The following OSBP2 variants were observed in gnomAD, a reference collection of about 807,000 sequenced individuals.
OSBP2 encodes oxysterol binding protein 2, also known as oxysterol-binding protein 2.
In OSBP2, 66 loss-of-function variants were observed where a neutral mutation model predicts 96.0. The ratio of observed to expected loss-of-function variants is 0.69; its 90% CI spans 0.56 to 0.84. The LOEUF is 0.84. Among genes scored for constraint, OSBP2 ranks in the 40% least tolerant of loss-of-function variants. OSBP2 has a pLI of 0.00. For synonymous variants in OSBP2, 525 were observed against 520.9 expected, an observed-to-expected ratio of 1.01 and a Z score of -0.11; for missense variants, 1,038 against 1,222.7, an observed-to-expected ratio of 0.85 and a Z score of 2.25.
At chr22:30,804,908 C>T (rs989832779) in intron 2 of OSBP2, among the ~76,000 whole-genome samples, 2 of 152,082 alleles carry the variant, frequency 1.3e-5, no homozygotes, top group Non-Finnish European at 2.9e-5. Context: ...AGTAGGACAT[C>T]GTTTTTGTTT....
intron 1 of OSBP2, among the ~76,000 whole-genome samples, chr22:30,739,328 T>C (rs1306544461): frequency 6.6e-6 from 1 of 152,210 alleles, no homozygotes; most frequent in Non-Finnish European, 1.5e-5. Context: ...TCTGTAGATC[T>C]CATGATAGAA....
chr22:30,902,238 G>A, intron 12 of OSBP2: 1 of 1,546,784 alleles, frequency 6.5e-7, no homozygotes, highest in East Asian at 2.3e-5. Context: ...GCATATGTAG[G>A]GAATCTACCT....
chr22:30,797,018 C>G (rs2090774299), intron 2 of OSBP2, among the ~76,000 whole-genome samples: 1 of 152,176 alleles, frequency 6.6e-6, no homozygotes, highest in Non-Finnish European at 1.5e-5. Context: ...CTCCCTTTAG[C>G]CCCTGGCTCC....
At chr22:30,810,320 A>G (rs76772182) in intron 2 of OSBP2, among the ~76,000 whole-genome samples, 9,130 of 152,184 alleles carry the variant, frequency 0.06, 657 homozygotes, top group African/African-American at 0.17. Context: ...GGCATCAGAC[A>G]GGGCCACTGG....
chr22:30,722,690 CCT>C (rs1569096768), intron 1 of OSBP2, among the ~76,000 whole-genome samples: 2 of 146,140 alleles, frequency 1.4e-5, no homozygotes, highest in Non-Finnish European at 3.0e-5. Context: ...TCTTTTCTTT[CCT>C]CTTTTTTCTT....
chr22:30,703,376 G>A (rs1602143525), intron 1 of OSBP2, among the ~76,000 whole-genome samples: 1 of 151,936 alleles, frequency 6.6e-6, no homozygotes, highest in Admixed American at 6.6e-5. Flanking sequence ...GTTTCACCAT[G>A]TTGGCCAAAC....
At chr22:30,855,397 C>G (rs2039060375) in intron 2 of OSBP2, among the ~76,000 whole-genome samples, 1 of 152,164 alleles carries the variant, frequency 6.6e-6, no homozygotes, top group African/African-American at 2.4e-5. Context: ...CCTTAGCACC[C>G]TTGATGTTAA....
intron 2 of OSBP2, among the ~76,000 whole-genome samples, chr22:30,862,924 G>C (rs559880949): frequency 1.3e-5 from 2 of 150,078 alleles, no homozygotes; most frequent in African/African-American, 2.5e-5. Context: ...AATGAGCCGA[G>C]ATTTTGCCAC....
intron 2 of OSBP2, among the ~76,000 whole-genome samples, chr22:30,773,908 G>A (rs1012774664): frequency 2.6e-5 from 4 of 152,202 alleles, no homozygotes; most frequent in Non-Finnish European, 5.9e-5. Flanking sequence ...GGGGCAGTCC[G>A]GTGGCAGTCA....
chr22:30,785,692 T>C (rs772367379), intron 2 of OSBP2, among the ~76,000 whole-genome samples: 21 of 152,056 alleles, frequency 1.4e-4, no homozygotes, highest in Middle Eastern at 3.2e-3. Flanking sequence ...CAAATTGTAA[T>C]CCCCACATAT....
intron 2 of OSBP2, among the ~76,000 whole-genome samples, chr22:30,768,667 G>T (rs756295545): frequency 1.2e-4 from 18 of 150,400 alleles, no homozygotes; most frequent in Non-Finnish European, 2.7e-4. Context: ...ACAAGAGCGA[G>T]AAACTCCATC....
chr22:30,771,403 G>C (rs977901831), intron 2 of OSBP2, among the ~76,000 whole-genome samples: 2 of 152,230 alleles, frequency 1.3e-5, no homozygotes, highest in African/African-American at 4.8e-5. Context: ...GGCAACCTGG[G>C]GTGCTGGGGA....
At chr22:30,788,827 C>T (rs2090633635) in intron 2 of OSBP2, among the ~76,000 whole-genome samples, 1 of 152,132 alleles carries the variant, frequency 6.6e-6, no homozygotes, top group South Asian at 2.1e-4. Flanking sequence ...ATTCTCCTGC[C>T]TCAGCCTTCC....
chr22:30,780,978 A>T (rs567824982), intron 2 of OSBP2, among the ~76,000 whole-genome samples: 3 of 151,746 alleles, frequency 2.0e-5, no homozygotes, highest in South Asian at 2.1e-4. Flanking sequence ...TTTAATATTT[A>T]AAATTTTTTT....
chr22:30,806,135 T>C (rs1468640867), intron 2 of OSBP2, among the ~76,000 whole-genome samples: 2 of 152,140 alleles, frequency 1.3e-5, no homozygotes, highest in African/African-American at 4.8e-5. Context: ...CCATCCTTAT[T>C]ATACAAATGA....
At chr22:30,730,774 C>CTCTCTTTATATATATATA (rs1569100458) in intron 1 of OSBP2, among the ~76,000 whole-genome samples, 1 of 13,836 alleles carries the variant, frequency 7.2e-5, no homozygotes, top group Non-Finnish European at 1.4e-4. Flanking sequence ...CTCTCTCTCT[C>CTCTCTTTATATATATATA]TATATATATA....
intron 2 of OSBP2, among the ~76,000 whole-genome samples, chr22:30,765,302 C>T (rs776972786): frequency 2.0e-5 from 3 of 152,170 alleles, no homozygotes; most frequent in East Asian, 3.9e-4. Context: ...CTCCACCTCC[C>T]GGGTTCAGAC....
intron 2 of OSBP2, among the ~76,000 whole-genome samples, chr22:30,802,824 A>C (rs1314446319): frequency 6.6e-6 from 1 of 152,188 alleles, no homozygotes; most frequent in Non-Finnish European, 1.5e-5. Context: ...AGGAATGAGG[A>C]CGCAGCACGG....
intron 2 of OSBP2, among the ~76,000 whole-genome samples, chr22:30,861,062 T>A (rs2039201394): frequency 6.6e-6 from 1 of 152,220 alleles, no homozygotes; most frequent in African/African-American, 2.4e-5. Flanking sequence ...CCATGTGCCC[T>A]GGTTCCCCCA....
Sources: allele counts gnomAD v4.1 joint callset (sites outside exome capture counted in the v4.1 genomes callset), GRCh38; gene constraint gnomAD v4.1.1; transcripts MANE v1.5; gene names NCBI Gene and HGNC (gene_info 2026-07-23, HGNC 2026-07-21).